The following ERBB4 variants were observed in gnomAD, a reference collection of about 807,000 sequenced individuals.
ERBB4 encodes the protein erb-b2 receptor tyrosine kinase 4.
In ERBB4, 42 loss-of-function variants were observed where a neutral mutation model predicts 158.0. The observed-to-expected ratio is 0.27, with a 90% CI of 0.21 to 0.34. The LOEUF (loss-of-function observed/expected upper bound fraction) is 0.34. Ranked by LOEUF, ERBB4 falls within the 10% of genes least tolerant of loss-of-function variation. ERBB4 has a pLI of 1.00. For synonymous variants in ERBB4, 583 were observed against 558.7 expected, an observed-to-expected ratio of 1.04 and a Z score of -0.61; for missense variants, 1,333 against 1,624.1, an observed-to-expected ratio of 0.82 and a Z score of 3.08.
At chr2:211,602,075 A>C (rs2068817915) in intron 19 of ERBB4, among the ~76,000 whole-genome samples, 1 of 152,066 alleles carries the variant, frequency 6.6e-6, no homozygotes, top group South Asian at 2.1e-4. Context: ...GGCTTCCTGC[A>C]ATTTCTGGCA....
In ERBB4 at chr2:212,201,307, A is replaced by G. The variant is rs369238938; in HGVS notation, c.83-76404T>C. Reference sequence around the variant, plus strand: ...AGCATGGTGTTTTCCTCTTCATAGTACATGAAATCCACTCTAAATAAATTA... The same window carrying G: ...AGCATGGTGTTTTCCTCTTCATAGTGCATGAAATCCACTCTAAATAAATTA... On this transcript the variant is annotated intron_variant, in intron 1 of 27. Transcript: ENST00000342788. 6.6e-5 allele frequency among the ~76,000 whole-genome samples: 10 copies of G among 152,274 alleles called. 1 individual carries two copies. The highest frequency in any genetic ancestry group is 2.2e-4 in the African/African-American group (9 of 41,578).
At chr2:212,453,981 C>G (rs1469928469) in intron 1 of ERBB4, among the ~76,000 whole-genome samples, 1 of 151,812 alleles carries the variant, frequency 6.6e-6, no homozygotes, top group Non-Finnish European at 1.5e-5. Flanking sequence ...CACTCTATTG[C>G]CCAAGCTGGA....
chr2:211,460,152 A>C (rs1208438072), intron 20 of ERBB4, among the ~76,000 whole-genome samples: 1 of 146,572 alleles, frequency 6.8e-6, no homozygotes, highest in East Asian at 2.1e-4. Context: ...TACTATAAAT[A>C]ATTACTTTGC....
chr2:212,168,953 T>C (rs926931493), intron 1 of ERBB4, among the ~76,000 whole-genome samples: 1 of 152,164 alleles, frequency 6.6e-6, no homozygotes, highest in Non-Finnish European at 1.5e-5. Flanking sequence ...TACCATCATA[T>C]GTGACAAAAT....
intron 3 of ERBB4, among the ~76,000 whole-genome samples, chr2:211,944,164 C>CTA (rs71397155): frequency 0.46 from 46,163 of 100,242 alleles, 11,744 homozygotes; most frequent in Non-Finnish European, 0.56. Flanking sequence ...TATATATACA[C>CTA]TATATATATA....
chr2:211,771,184 T>C (rs1383117345), intron 4 of ERBB4, among the ~76,000 whole-genome samples: 1 of 152,212 alleles, frequency 6.6e-6, no homozygotes, highest in African/African-American at 2.4e-5. Context: ...CTGAGTGAAT[T>C]CAGATACATA....
chr2:212,140,140 T>C (rs2125602526), intron 1 of ERBB4, among the ~76,000 whole-genome samples: 1 of 151,662 alleles, frequency 6.6e-6, no homozygotes, highest in East Asian at 1.9e-4. Context: ...ACAAGATCCA[T>C]GCAGTTGCAT....
At chr2:212,181,472 A>G (rs1018131144) in intron 1 of ERBB4, among the ~76,000 whole-genome samples, 2 of 150,164 alleles carry the variant, frequency 1.3e-5, no homozygotes, top group Non-Finnish European at 3.0e-5. Flanking sequence ...AAAACCTATA[A>G]ATAATTTCAA....
Position 211,381,602 on chromosome 2 carries a change from C to T in ERBB4, c.*2013G>A, listed in dbSNP as rs2062574885. 4 of 231,026 alleles carry T rather than the reference C, an allele frequency of 1.7e-5. No homozygotes were observed. The highest frequency in any genetic ancestry group is 6.1e-5 in the East Asian group (1 of 16,278). The allele number at this position is 231,026 out of a possible 1,614,324, so 14.3% of individuals were successfully genotyped here. ...AATTTTGAAGTTGAGGATGATATTCCATTTATCTGAGTGTTCCCCACAAAA... is the reference window on the plus strand; with the variant it reads ...AATTTTGAAGTTGAGGATGATATTCTATTTATCTGAGTGTTCCCCACAAAA... On this transcript the variant is annotated 3_prime_UTR_variant, in exon 28 of 28. Coordinates refer to ENST00000342788, the MANE Select transcript of ERBB4 (RefSeq NM_005235.3).
chr2:211,529,214 C>T (rs565672026), intron 20 of ERBB4, among the ~76,000 whole-genome samples: 16 of 151,254 alleles, frequency 1.1e-4, no homozygotes, highest in Non-Finnish European at 1.9e-4. Context: ...TCACTAGTGG[C>T]TACTAGGAGT....
At chr2:211,953,485 A>AAAG (rs1470186521) in intron 2 of ERBB4, among the ~76,000 whole-genome samples, 2 of 151,000 alleles carry the variant, frequency 1.3e-5, no homozygotes, top group Non-Finnish European at 3.0e-5. Context: ...AAAAAAAAAA[A>AAAG]AAGAAGAAGA....
At chr2:212,366,264 G>C (rs562224971) in intron 1 of ERBB4, among the ~76,000 whole-genome samples, 47 of 152,040 alleles carry the variant, frequency 3.1e-4, no homozygotes, top group African/African-American at 1.1e-3. Context: ...AAGCTTGGCA[G>C]TTTTCACTGT....
chr2:211,578,993 C>T (rs904385642), intron 19 of ERBB4, among the ~76,000 whole-genome samples: 1 of 152,076 alleles, frequency 6.6e-6, no homozygotes, highest in African/African-American at 2.4e-5. Context: ...GCCAAAGAAA[C>T]TACCTTCAAA....
At chr2:211,403,215 G>C (rs1222832636) in intron 25 of ERBB4, among the ~76,000 whole-genome samples, 1 of 151,996 alleles carries the variant, frequency 6.6e-6, no homozygotes, top group African/African-American at 2.4e-5. Context: ...TGGCTTTCAT[G>C]AGATGCCACT....
At chr2:212,183,582 T>C (rs953311593) in intron 1 of ERBB4, among the ~76,000 whole-genome samples, 1 of 152,070 alleles carries the variant, frequency 6.6e-6, no homozygotes, top group Non-Finnish European at 1.5e-5. Flanking sequence ...AATGTAATTG[T>C]TATCATTTTC....
At position 211,868,217 on chromosome 2, in the gene ERBB4, TGAAAGTTGATCTGGACAG is replaced by T. The variant is rs372876627; in HGVS notation, c.421+79195_421+79212del. Among the ~76,000 whole-genome samples, 1,514 of 152,302 alleles carry T rather than the reference TGAAAGTTGATCTGGACAG, an allele frequency of 9.9e-3. 30 individuals carry two copies. The highest frequency in any genetic ancestry group is 0.033 in the African/African-American group (1,389 of 41,566). ...TGATGAGTCATTTCTGGAATGCAAC[TGAAAGTTGATCTGGACAG>T]GAAGATACACAGGATCTAGAGAATG... On this transcript the variant is annotated intron_variant, in intron 3 of 27. Coordinates refer to ENST00000342788, the MANE Select transcript of ERBB4 (RefSeq NM_005235.3).
chr2:212,455,288 A>T (rs1688227048), intron 1 of ERBB4, among the ~76,000 whole-genome samples: 1 of 152,172 alleles, frequency 6.6e-6, no homozygotes, highest in Non-Finnish European at 1.5e-5. Context: ...TCAATCATTC[A>T]ATCACCTATT....
At chr2:211,948,537 T>C (rs2080775007) in intron 2 of ERBB4, among the ~76,000 whole-genome samples, 2 of 151,872 alleles carry the variant, frequency 1.3e-5, no homozygotes, top group African/African-American at 2.4e-5. Context: ...TTTAGTTGTC[T>C]ATAATAAGTT....
intron 2 of ERBB4, among the ~76,000 whole-genome samples, chr2:211,994,128 CATCT>C: frequency 6.6e-6 from 1 of 152,064 alleles, no homozygotes; most frequent in African/African-American, 2.4e-5. Flanking sequence ...ATCTACCTAT[CATCT>C]ATCTATCTGT....
Sources: allele counts gnomAD v4.1 joint callset (sites outside exome capture counted in the v4.1 genomes callset), GRCh38; gene constraint gnomAD v4.1.1; transcripts MANE v1.5; gene names NCBI Gene and HGNC (gene_info 2026-07-23, HGNC 2026-07-21).